The following DAB1 variants were observed in gnomAD, a reference collection of about 807,000 sequenced individuals.
The protein encoded by DAB1 is disabled homolog 1.
DAB1 carries 15 observed loss-of-function variants against 64.6 expected under a neutral mutation model. The ratio of observed to expected loss-of-function variants is 0.23; its 90% CI spans 0.16 to 0.36. The LOEUF (loss-of-function observed/expected upper bound fraction) is 0.36. DAB1 is among the 10% of genes least tolerant of loss of function. The pLI is 1.00. For synonymous variants in DAB1, 235 were observed against 251.9 expected (o/e 0.93, Z 0.64); for missense variants, 596 against 706.7 (o/e 0.84, Z 1.78).
intron 6 of DAB1, among the ~76,000 whole-genome samples, chr1:57,721,325 T>TA (rs1647148036): frequency 6.6e-6 from 1 of 151,986 alleles, no homozygotes; most frequent in East Asian, 1.9e-4. Context: ...AAGCAAACTA[T>TA]AAAAAAAGAA....
intron 2 of DAB1, among the ~76,000 whole-genome samples, chr1:57,246,266 GCCCC>G (rs1361094424): frequency 1.5e-3 from 224 of 152,298 alleles, no homozygotes; most frequent in African/African-American, 5.3e-3. Flanking sequence ...ACCACCCGCT[GCCCC>G]CTGCTCTGTG....
At chr1:57,225,050 A>C (rs1667158097) in intron 2 of DAB1, among the ~76,000 whole-genome samples, 1 of 152,240 alleles carries the variant, frequency 6.6e-6, no homozygotes, top group Non-Finnish European at 1.5e-5. Context: ...AGAAGAGGCT[A>C]CTGTGGCCCA....
At chr1:58,257,296 T>G (rs1342794173) in intron 4 of DAB1, among the ~76,000 whole-genome samples, 2 of 152,210 alleles carry the variant, frequency 1.3e-5, no homozygotes, top group Non-Finnish European at 2.9e-5. Flanking sequence ...AGTGAGTGTA[T>G]TTGGATAGGG....
chr1:58,377,821 C>G (rs1407065874), intron 3 of DAB1, among the ~76,000 whole-genome samples: 2 of 140,102 alleles, frequency 1.4e-5, no homozygotes, highest in Non-Finnish European at 3.2e-5. Context: ...GTACACCAAT[C>G]AGACGTAGAT....
At chr1:58,195,889 A>C (rs189087172) in intron 4 of DAB1, among the ~76,000 whole-genome samples, 74 of 152,364 alleles carry the variant, frequency 4.9e-4, no homozygotes, top group African/African-American at 1.7e-3. Context: ...ACTAAAGCTT[A>C]TAAGTGTTTA....
At chr1:57,111,527 C>T (rs1042836480) in intron 4 of DAB1, among the ~76,000 whole-genome samples, 12 of 151,816 alleles carry the variant, frequency 7.9e-5, no homozygotes, top group African/African-American at 2.9e-4. Flanking sequence ...CCTGCAACAC[C>T]CTTCCCTCTA....
At chr1:57,698,184 T>C (rs1008876842) in intron 6 of DAB1, among the ~76,000 whole-genome samples, 1 of 151,802 alleles carries the variant, frequency 6.6e-6, no homozygotes, top group African/African-American at 2.4e-5. Context: ...ATTCCTGGGC[T>C]CAAGGAACCC....
At chr1:57,850,475 G>A (rs1458466537) in intron 1 of DAB1, among the ~76,000 whole-genome samples, 4 of 149,060 alleles carry the variant, frequency 2.7e-5, no homozygotes, top group East Asian at 2.0e-4. Context: ...TTTTAACTGA[G>A]AAAATGAAAC....
intron 2 of DAB1, among the ~76,000 whole-genome samples, chr1:57,149,878 T>C (rs1345347834): frequency 1.3e-5 from 2 of 152,218 alleles, no homozygotes; most frequent in Non-Finnish European, 2.9e-5. Flanking sequence ...CAAGCACACA[T>C]GCCCTTCTTA....
At chr1:57,273,160 T>C (rs1280161191) in intron 2 of DAB1, among the ~76,000 whole-genome samples, 1 of 152,148 alleles carries the variant, frequency 6.6e-6, no homozygotes, top group Non-Finnish European at 1.5e-5. Flanking sequence ...CAGATGGTAG[T>C]GAATTGAAGT....
At chr1:58,123,198 G>A (rs952831272) in intron 5 of DAB1, among the ~76,000 whole-genome samples, 3 of 152,154 alleles carry the variant, frequency 2.0e-5, no homozygotes, top group African/African-American at 4.8e-5. Flanking sequence ...GGAGAGAAAA[G>A]ACTCCATAGG....
At chr1:57,177,059 C>T (rs756668577) in intron 2 of DAB1, among the ~76,000 whole-genome samples, 2 of 151,652 alleles carry the variant, frequency 1.3e-5, no homozygotes. Flanking sequence ...TCCCCTCTAC[C>T]CACCAGCAGG....
intron 4 of DAB1, among the ~76,000 whole-genome samples, chr1:58,266,529 T>G (rs2100422355): frequency 6.6e-6 from 1 of 152,332 alleles, no homozygotes; most frequent in Admixed American, 6.5e-5. Context: ...AGCCTCACTT[T>G]TCTCATTCAT....
chr1:58,510,187 T>C (rs918308967), intron 2 of DAB1, among the ~76,000 whole-genome samples: 7 of 151,790 alleles, frequency 4.6e-5, no homozygotes, highest in Non-Finnish European at 8.8e-5. Context: ...CAAAAAAAAA[T>C]TACGGGCCAA....
intron 4 of DAB1, among the ~76,000 whole-genome samples, chr1:58,300,590 A>G (rs1179008973): frequency 7.0e-4 from 21 of 30,188 alleles, no homozygotes; most frequent in African/African-American, 1.3e-3. Flanking sequence ...GAAAGAAAGA[A>G]AGAAAGAAAG....
chr1:58,316,622 G>A (rs535841146), intron 4 of DAB1, among the ~76,000 whole-genome samples: 4 of 152,234 alleles, frequency 2.6e-5, no homozygotes, highest in African/African-American at 9.6e-5. Flanking sequence ...ATCTGAAGGA[G>A]GGATGCTTGT....
chr1:57,402,508 C>G (rs1570456207), intron 1 of DAB1, among the ~76,000 whole-genome samples: 1 of 152,118 alleles, frequency 6.6e-6, no homozygotes, highest in South Asian at 2.1e-4. Context: ...CAAGATATTG[C>G]TGCAATACAC....
chr1:58,110,305 C>T (rs1021100977), intron 5 of DAB1, among the ~76,000 whole-genome samples: 1 of 152,120 alleles, frequency 6.6e-6, no homozygotes, highest in Non-Finnish European at 1.5e-5. Context: ...AAGTGGGATT[C>T]TGTCATTTTC....
At chr1:58,087,683 T>C (rs529736395) in intron 5 of DAB1, among the ~76,000 whole-genome samples, 159 of 152,256 alleles carry the variant, frequency 1.0e-3, no homozygotes, top group Non-Finnish European at 1.1e-3. Context: ...GTTTGCTCTC[T>C]TAGGAAGCAG....
Sources: allele counts gnomAD v4.1 joint callset (sites outside exome capture counted in the v4.1 genomes callset), GRCh38; gene constraint gnomAD v4.1.1; transcripts MANE v1.5; gene names NCBI Gene and HGNC (gene_info 2026-07-23, HGNC 2026-07-21).